Variants in MED12L observed in about 807,000 individuals in gnomAD.
The protein encoded by MED12L is mediator complex subunit 12L.
In MED12L, 60 loss-of-function variants were observed where a neutral mutation model predicts 281.3. The ratio of observed to expected loss-of-function variants is 0.21; its 90% confidence interval spans 0.17 to 0.26. The LOEUF is 0.26. Among genes scored for constraint, MED12L ranks in the 10% least tolerant of loss-of-function variants. The pLI is 1.00. For synonymous variants in MED12L, 974 were observed against 987.2 expected (o/e 0.99, Z 0.25); for missense variants, 2,146 against 2,680.9 (o/e 0.80, Z 4.41).
At chr3:151,149,274 G>A (rs1167110828) in intron 5 of MED12L, among the ~76,000 whole-genome samples, 1 of 152,166 alleles carries the variant, frequency 6.6e-6, no homozygotes, top group Non-Finnish European at 1.5e-5. Context: ...TAGAATACAG[G>A]CAAGTAGAGA....
intron 16 of MED12L, among the ~76,000 whole-genome samples, chr3:151,276,944 T>G (rs963318441): frequency 2.0e-5 from 3 of 152,212 alleles, no homozygotes; most frequent in African/African-American, 4.8e-5. Context: ...TCGCCCAGAC[T>G]GGAGTGCAGT....
chr3:151,139,230 T>C (rs1030126520), intron 5 of MED12L, among the ~76,000 whole-genome samples: 1 of 152,196 alleles, frequency 6.6e-6, no homozygotes, highest in African/African-American at 2.4e-5. Context: ...TTTCTGGCAC[T>C]AGAAGGTGCA....
At chr3:151,208,997 A>T (rs553886624) in intron 16 of MED12L, among the ~76,000 whole-genome samples, 1 of 152,348 alleles carries the variant, frequency 6.6e-6, no homozygotes, top group Admixed American at 6.5e-5. Flanking sequence ...TCCCCAAAAC[A>T]CATGATACAA....
intron 16 of MED12L, among the ~76,000 whole-genome samples, chr3:151,321,152 G>A (rs1426624504): frequency 6.6e-6 from 1 of 152,180 alleles, no homozygotes; most frequent in Non-Finnish European, 1.5e-5. Flanking sequence ...CATAATTTTG[G>A]TTGCTTTTAG....
intron 16 of MED12L, chr3:151,214,430 T>C (rs1727790490): frequency 5.8e-6 from 5 of 859,340 alleles, no homozygotes; most frequent in Non-Finnish European, 7.2e-6. Context: ...ATGAATATAG[T>C]CAAACCTACC....
rs369934541 is a variant in MED12L, at chr3:151,184,508, C to G, written c.1495-822C>G. Reference sequence around the variant, plus strand: ...ATATTAAAAACTTGTAGTTGATGTCCTATTGGTTGGCGTGGACCCTCTAAA... The same window carrying G: ...ATATTAAAAACTTGTAGTTGATGTCGTATTGGTTGGCGTGGACCCTCTAAA... On this transcript the variant is annotated intron_variant, in intron 11 of 44. Coordinates refer to ENST00000687756, the MANE Select transcript of MED12L (RefSeq NM_001393769.1). 4.6e-5 allele frequency among the ~76,000 whole-genome samples: 7 copies of G among 152,238 alleles called. No individual in the cohort carries two copies. The South Asian group carries it at 1.4e-3, about 32-fold the overall frequency.
At chr3:151,161,753 C>G (rs1283020453) in intron 8 of MED12L, among the ~76,000 whole-genome samples, 1 of 152,158 alleles carries the variant, frequency 6.6e-6, no homozygotes, top group Non-Finnish European at 1.5e-5. Flanking sequence ...AAGCTGGAAT[C>G]CAAACCAAAG....
intron 16 of MED12L, among the ~76,000 whole-genome samples, chr3:151,335,933 G>C (rs1750923556): frequency 6.6e-6 from 1 of 152,048 alleles, no homozygotes; most frequent in Non-Finnish European, 1.5e-5. Flanking sequence ...TTCATCTCTT[G>C]TGGAAATTGT....
chr3:151,378,252 T>C lies in MED12L; in HGVS notation c.4478+79T>C, dbSNP rs1177387849. 5 of 1,356,180 alleles carry C rather than the reference T, an allele frequency of 3.7e-6. No homozygotes were observed. The Admixed American group carries it at 7.9e-5, about 21-fold the overall frequency. The allele number at this position is 1,356,180 out of a possible 1,614,324, so 84.0% of individuals were successfully genotyped here. A position where few individuals can be genotyped will look rare whatever the true frequency, so the allele number is the denominator to read the frequency against. Reference sequence around the variant, plus strand: ...TCTCACTTCCTGTAAACCTGTGTGGTCACTGTACCCACAGTCCACTGAAAT... The same window carrying C: ...TCTCACTTCCTGTAAACCTGTGTGGCCACTGTACCCACAGTCCACTGAAAT... On this transcript the variant is annotated intron_variant, in intron 31 of 44. Coordinates refer to ENST00000687756, the MANE Select transcript of MED12L (RefSeq NM_001393769.1).
chr3:151,111,620 C>T (rs1383593298), intron 2 of MED12L, among the ~76,000 whole-genome samples: 2 of 152,190 alleles, frequency 1.3e-5, no homozygotes, highest in Non-Finnish European at 2.9e-5. Context: ...ACCACAACTG[C>T]GAGCCAGAGG....
At chr3:151,411,605 G>T in intron 41 of MED12L, 98 bp downstream of exon 41, 2 of 1,088,994 alleles carry the variant, frequency 1.8e-6, no homozygotes, top group South Asian at 1.4e-5. Flanking sequence ...TTGTTTTTAT[G>T]AGCTTGCATA....
chr3:151,216,281 A>G (rs993650806), intron 16 of MED12L, among the ~76,000 whole-genome samples: 4 of 152,212 alleles, frequency 2.6e-5, no homozygotes, highest in Non-Finnish European at 5.9e-5. Flanking sequence ...AGGGAAAGAA[A>G]GATTGTGGGA....
Position 151,389,972 on chromosome 3 carries a change from G to A in MED12L, c.5452-7G>A. On this transcript the variant is annotated splice_region_variant and splice_polypyrimidine_tract_variant and intron_variant, in intron 37 of 44. Transcript: ENST00000687756. The stretch of plus-strand genomic sequence containing the variant: ...TACGTAACTTTTTAAAAAACTTTAT[G>A]TTGAAGGAATATCCACAGAGCAACA... The A allele has an allele frequency of 6.2e-7, 1 of 1,613,502 alleles. No individual in the cohort carries two copies. The highest frequency in any genetic ancestry group is 1.1e-5 in the South Asian group (1 of 91,006).
intron 2 of MED12L, among the ~76,000 whole-genome samples, chr3:151,098,721 C>G (rs1184636623): frequency 3.3e-5 from 5 of 150,866 alleles, no homozygotes; most frequent in Non-Finnish European, 7.4e-5. Context: ...CAAATGAGGT[C>G]ACATTAACAG....
In MED12L at chr3:151,269,397, TCACACA is replaced by T. The variant is rs71801434; in HGVS notation, c.2250+75770_2250+75775del. 1,409 of 144,786 alleles carry T rather than the reference TCACACA, an allele frequency of 9.7e-3. 21 individuals carry two copies. Among genetic ancestry groups the T allele is most frequent in the African/African-American group, 0.03 (1,038 of 34,134 alleles). The allele number at this position is 144,786 out of a possible 1,614,324, so 9.0% of individuals were successfully genotyped here. Reference sequence around the variant, plus strand: ...CCTGGGCAACAAGAGTGAAACTCCATCACACACACACACACACACACACACACACAC... The same window carrying T: ...CCTGGGCAACAAGAGTGAAACTCCATCACACACACACACACACACACACAC... On this transcript the variant is annotated intron_variant, in intron 16 of 44. Coordinates refer to ENST00000687756, the MANE Select transcript of MED12L (RefSeq NM_001393769.1).
chr3:151,339,600 A>G (rs1005814483), intron 16 of MED12L, among the ~76,000 whole-genome samples: 1 of 152,026 alleles, frequency 6.6e-6, no homozygotes, highest in Non-Finnish European at 1.5e-5. Flanking sequence ...AAGTTGCTGC[A>G]TACATTTTCT....
chr3:151,149,496 T>C (rs1305585258), intron 5 of MED12L, among the ~76,000 whole-genome samples: 2 of 152,196 alleles, frequency 1.3e-5, no homozygotes, highest in Non-Finnish European at 2.9e-5. Flanking sequence ...GAGCCTTCAC[T>C]GAGTTGTAAC....
chr3:151,427,576 G>A (rs1040928174), intron 43 of MED12L, among the ~76,000 whole-genome samples: 1 of 152,214 alleles, frequency 6.6e-6, no homozygotes, highest in African/African-American at 2.4e-5. Flanking sequence ...TGTGTTTGTT[G>A]AGTGAATAAA....
intron 16 of MED12L, among the ~76,000 whole-genome samples, chr3:151,226,581 G>A (rs995253864): frequency 3.3e-5 from 5 of 152,024 alleles, no homozygotes; most frequent in Admixed American, 6.6e-5. Context: ...TCAACATTTT[G>A]CTGGAGTCGC....
Sources: gnomAD v4.1 joint callset for allele counts (sites outside exome capture counted in the v4.1 genomes callset) on GRCh38, gnomAD v4.1.1 for gene constraint, MANE v1.5 for transcripts, NCBI Gene and HGNC (gene_info 2026-07-23, HGNC 2026-07-21) for gene names.